REPS1: variants seen among roughly 807,000 people sequenced by gnomAD.
REPS1 encodes ralBP1-associated Eps domain-containing protein 1.
A neutral mutation model predicts 100.9 loss-of-function variants in REPS1; 39 were observed. That is an observed-to-expected ratio of 0.39 (90% confidence interval 0.30 to 0.50). The LOEUF is 0.50. REPS1 is among the 20% of genes least tolerant of loss of function. REPS1 has a pLI of 0.86. For missense variants in REPS1, 821 were observed against 968.5 expected (o/e 0.85, Z 2.02); for synonymous variants, 324 against 340.3 (o/e 0.95, Z 0.53).
chr6:138,930,723 A>G (rs1009578945), intron 8 of REPS1, among the ~76,000 whole-genome samples: 1 of 152,074 alleles, frequency 6.6e-6, no homozygotes, highest in Non-Finnish European at 1.5e-5. Flanking sequence ...CCTTGTTAAC[A>G]AAAAAACAGA....
chr6:138,959,547 C>T (rs1186044126), intron 1 of REPS1, among the ~76,000 whole-genome samples: 1 of 152,032 alleles, frequency 6.6e-6, no homozygotes, highest in East Asian at 1.9e-4. Context: ...TTTATTCTAC[C>T]GCTTTCATTT....
rs954805511 is a variant in REPS1, at chr6:138,926,542, G to C, written c.1258-61C>G. The C allele has an allele frequency of 1.6e-5, 19 of 1,200,910 alleles. No individual in the cohort carries two copies. The South Asian group carries it at 1.9e-4, about 12-fold the overall frequency. The allele number at this position is 1,200,910 out of a possible 1,614,324, so 74.4% of individuals were successfully genotyped here. On this transcript the variant is annotated intron_variant, in intron 9 of 19. Transcript: ENST00000450536. ...AGAAAGATGGAGTAAAAGATCACTG[G>C]AGAAGATTTAGCAAAGTAATTCAGA...
chr6:138,928,003 T>C (rs1781248258), intron 9 of REPS1: 1 of 152,198 alleles, frequency 6.6e-6, no homozygotes, highest in Admixed American at 6.5e-5. Context: ...AGTTTAACTT[T>C]GTTTCACAAG....
intron 1 of REPS1, among the ~76,000 whole-genome samples, chr6:138,971,829 T>C (rs1203517216): frequency 1.3e-5 from 2 of 152,184 alleles, no homozygotes; most frequent in Non-Finnish European, 2.9e-5. Context: ...CACTTTTCAC[T>C]TCCCTGGGTG....
Position 138,945,381 on chromosome 6 carries a change from G to A in REPS1, c.475-9C>T. On this transcript the variant is annotated splice_polypyrimidine_tract_variant and intron_variant, in intron 3 of 19. Coordinates refer to ENST00000450536, the MANE Select transcript of REPS1 (RefSeq NM_001286611.2). The stretch of plus-strand genomic sequence containing the variant: ...ACTGGGGATGCAGGTTCCTAGAAAA[G>A]AATATTATTTTAAAATTTTAACTTT... The A allele has an allele frequency of 6.3e-7, 1 of 1,591,126 alleles. No homozygotes were observed. The highest frequency in any genetic ancestry group is 8.5e-7 in the Non-Finnish European group (1 of 1,172,838).
intron 11 of REPS1, 89 bp downstream of exon 11, chr6:138,920,948 G>A: frequency 1.1e-6 from 1 of 886,272 alleles, no homozygotes; most frequent in Non-Finnish European, 1.8e-6. Flanking sequence ...TAAAAAATAA[G>A]CGATGAAAGA....
chr6:138,913,443 A>G (rs1780146147), intron 15 of REPS1, among the ~76,000 whole-genome samples: 1 of 152,196 alleles, frequency 6.6e-6, no homozygotes, highest in Non-Finnish European at 1.5e-5. Flanking sequence ...TTTGCCAGCC[A>G]GACCAATGCT....
intron 10 of REPS1, 98 bp from the exon 11 acceptor site, chr6:138,921,222 G>A (rs890871874): frequency 1.7e-5 from 13 of 745,816 alleles, no homozygotes; most frequent in African/African-American, 1.6e-4. Flanking sequence ...CAGTGGACAG[G>A]CTTTCCCATT....
chr6:138,904,700 A>C lies in REPS1; in HGVS notation c.*364T>G, dbSNP rs547069604. 1 of 162,236 alleles carries C rather than the reference A, an allele frequency of 6.2e-6. No individual in the cohort carries two copies. The highest frequency in any genetic ancestry group is 2.4e-5 in the African/African-American group (1 of 41,988). The allele number at this position is 162,236 out of a possible 1,614,324, so 10.0% of individuals were successfully genotyped here. ...GCTTTATGTAAAATATTAAACATAA[A>C]AGGACAAACTGACAATTTATTTCTG... On this transcript the variant is annotated 3_prime_UTR_variant, in exon 20 of 20. Transcript: ENST00000450536.
At chr6:138,966,407 A>G (rs1784026142) in intron 1 of REPS1, among the ~76,000 whole-genome samples, 1 of 152,180 alleles carries the variant, frequency 6.6e-6, no homozygotes, top group Non-Finnish European at 1.5e-5. Flanking sequence ...TGAGAATGAC[A>G]AAAAGATGAT....
intron 1 of REPS1, among the ~76,000 whole-genome samples, chr6:138,986,769 T>A (rs939180018): frequency 1.3e-5 from 2 of 151,606 alleles, no homozygotes; most frequent in Non-Finnish European, 2.9e-5. Flanking sequence ...AAGTCCTCTG[T>A]TTCAAAAGCA....
intron 7 of REPS1, among the ~76,000 whole-genome samples, chr6:138,942,976 G>A (rs1782366566): frequency 6.6e-6 from 1 of 152,140 alleles, no homozygotes; most frequent in South Asian, 2.1e-4. Flanking sequence ...TCAAACTCCT[G>A]AGCTCAGGTA....
At chr6:138,986,865 G>A (rs998922153) in intron 1 of REPS1, among the ~76,000 whole-genome samples, 3 of 152,300 alleles carry the variant, frequency 2.0e-5, no homozygotes, top group Admixed American at 6.5e-5. Flanking sequence ...CTGCCTACCA[G>A]CTGTTCAATA....
chr6:138,943,308 G>A (rs1242542602), intron 7 of REPS1, among the ~76,000 whole-genome samples: 2 of 152,194 alleles, frequency 1.3e-5, no homozygotes, highest in Admixed American at 1.3e-4. Context: ...AAGAATTTTA[G>A]CTCTTTACAA....
intron 10 of REPS1, among the ~76,000 whole-genome samples, chr6:138,925,910 C>T (rs765616170): frequency 7.2e-5 from 11 of 152,188 alleles, no homozygotes; most frequent in Non-Finnish European, 1.5e-4. Context: ...ATTTGACCAA[C>T]ATCTTGTATT....
Position 138,987,665 on chromosome 6 carries a change from C to G in REPS1, c.18G>C (p.Leu6=). Residue 6 remains leucine, a synonymous_variant, in exon 1 of 20, where the codon CTG becomes CTC. Coordinates refer to ENST00000450536, the MANE Select transcript of REPS1 (RefSeq NM_001286611.2). The stretch of plus-strand genomic sequence containing the variant: ...AATAGTATTTCTGCTCCGCATCGCT[C>G]AGCGTTAAGCCTTCCATCTTCGCCT... The part of the protein sequence containing the change: MEGLT[L]SDAEQKYYSD... The G allele has an allele frequency of 6.5e-7, 1 of 1,546,470 alleles. No homozygotes were observed. Among genetic ancestry groups the G allele is most frequent in the South Asian group, 1.2e-5 (1 of 83,616 alleles).
intron 12 of REPS1, among the ~76,000 whole-genome samples, chr6:138,919,257 A>G (rs901242440): frequency 1.3e-5 from 2 of 152,162 alleles, no homozygotes; most frequent in African/African-American, 4.8e-5. Context: ...ATATAGCCAG[A>G]GTCCAGCCAC....
intron 8 of REPS1, among the ~76,000 whole-genome samples, chr6:138,933,272 C>T (rs1781594696): frequency 6.6e-6 from 1 of 152,186 alleles, no homozygotes; most frequent in Admixed American, 6.5e-5. Flanking sequence ...CAGATAGTAA[C>T]TATTTTAGGT....
chr6:138,908,823 G>A lies in REPS1; in HGVS notation c.2068-7C>T, dbSNP rs17068048. 2,985 of 1,611,020 alleles carry A rather than the reference G, an allele frequency of 1.9e-3. 48 individuals are homozygous for A. The African/African-American group carries it at 0.035, about 19-fold the overall frequency. On this transcript the variant is annotated splice_region_variant and splice_polypyrimidine_tract_variant and intron_variant, in intron 17 of 19. Coordinates refer to ENST00000450536, the MANE Select transcript of REPS1 (RefSeq NM_001286611.2). ...GTGGTGTTGTGCCTTTGCTCTTTAA[G>A]ACAAGAATTCCATTAATAATAAGCA... is the stretch of plus-strand genomic sequence containing the variant.
Sources: allele counts gnomAD v4.1 joint callset (sites outside exome capture counted in the v4.1 genomes callset), GRCh38; gene constraint gnomAD v4.1.1; transcripts MANE v1.5; gene names NCBI Gene and HGNC (gene_info 2026-07-23, HGNC 2026-07-21).